Variants in BABAM2 observed in about 807,000 individuals in gnomAD.
BABAM2 encodes the protein BRISC and BRCA1 A complex member 2, also known as BRISC and BRCA1-A complex member 2.
A neutral mutation model predicts 54.7 loss-of-function variants in BABAM2; 31 were observed. The observed-to-expected ratio is 0.57, with a 90% CI of 0.43 to 0.77. The LOEUF (loss-of-function observed/expected upper bound fraction) is 0.77, where lower values mean the gene tolerates loss of function less well. BABAM2 is among the 30% of genes least tolerant of loss of function. BABAM2 has a pLI of 0.00. For synonymous variants in BABAM2, 167 were observed against 162.9 expected (o/e 1.03, Z -0.19); for missense variants, 364 against 455.8 (o/e 0.80, Z 1.83).
At chr2:27,971,175 A>G (rs1420893004) in intron 3 of BABAM2, among the ~76,000 whole-genome samples, 1 of 152,224 alleles carries the variant, frequency 6.6e-6, no homozygotes, top group South Asian at 2.1e-4. Context: ...TCTGAAAAAC[A>G]TTTTGCCCAG....
At chr2:28,120,014 A>G (rs920339328) in intron 6 of BABAM2, among the ~76,000 whole-genome samples, 6 of 152,320 alleles carry the variant, frequency 3.9e-5, no homozygotes, top group African/African-American at 1.4e-4. Context: ...GTCCTCATTG[A>G]TGTCCTCAGA....
At chr2:27,964,824 C>G (rs1299247348) in intron 3 of BABAM2, among the ~76,000 whole-genome samples, 2 of 152,314 alleles carry the variant, frequency 1.3e-5, no homozygotes, top group South Asian at 4.1e-4. Flanking sequence ...ATTCTTTCTA[C>G]TCATCACATT....
At chr2:28,167,697 AAAATAAATAAATAAAT>A (rs141764622) in intron 7 of BABAM2, among the ~76,000 whole-genome samples, 16 of 145,336 alleles carry the variant, frequency 1.1e-4, no homozygotes, top group South Asian at 4.4e-4. Flanking sequence ...CCATCTCAAA[AAAATAAATAAATAAAT>A]AAATAAATAA....
chr2:28,088,761 G>A lies in BABAM2; in HGVS notation c.571-40510G>A, dbSNP rs74806597. 3.3e-3 allele frequency among the ~76,000 whole-genome samples: 500 copies of A among 152,286 alleles called. 2 individuals are homozygous for A. The highest frequency in any genetic ancestry group is 0.012 in the African/African-American group (479 of 41,546). The stretch of plus-strand genomic sequence containing the variant: ...TGAGGTTGTGAGCTGCTGCTTTAAA[G>A]GAAACAAGTATGTTTATTCCTAATC... On this transcript the variant is annotated intron_variant, in intron 6 of 11. Coordinates refer to ENST00000379624, the MANE Select transcript of BABAM2 (RefSeq NM_199191.3).
chr2:28,056,241 T>C (rs1402115540), intron 6 of BABAM2, among the ~76,000 whole-genome samples: 2 of 152,136 alleles, frequency 1.3e-5, no homozygotes, highest in East Asian at 3.9e-4. Context: ...GAATTCATGC[T>C]AAATGAGTAG....
intron 7 of BABAM2, among the ~76,000 whole-genome samples, chr2:28,180,049 A>T (rs772708670): frequency 5.3e-5 from 8 of 152,188 alleles, no homozygotes; most frequent in African/African-American, 1.9e-4. Context: ...ACTCAAAGCA[A>T]TCTACAGATT....
At chr2:28,173,088 A>C (rs1674535801) in intron 7 of BABAM2, among the ~76,000 whole-genome samples, 1 of 152,082 alleles carries the variant, frequency 6.6e-6, no homozygotes, top group Admixed American at 6.5e-5. Context: ...CCCTCATAAC[A>C]TTATCTAATG....
intron 2 of BABAM2, among the ~76,000 whole-genome samples, chr2:27,902,720 T>G (rs1665882627): frequency 6.6e-6 from 1 of 152,222 alleles, no homozygotes; most frequent in Non-Finnish European, 1.5e-5. Flanking sequence ...AAAGCATTCT[T>G]TGTGTATTTT....
At position 27,995,111 on chromosome 2, in the gene BABAM2, G is replaced by C. The variant is rs900945396; in HGVS notation, c.300+7024G>C. ...AGCTGAGATTCCTACCTCCTTGTTG[G>C]AGAGGGTGTGGCTGCAGGCTACGGG... On this transcript the variant is annotated intron_variant, in intron 4 of 11. Transcript: ENST00000379624. The surrounding 1 kb of genome is among the most constrained non-coding windows in gnomAD (Gnocchi z 4.1). Among the ~76,000 whole-genome samples the C allele has an allele frequency of 6.6e-6, 1 of 152,126 alleles. No homozygotes were observed. Among genetic ancestry groups the C allele is most frequent in the African/African-American group, 2.4e-5 (1 of 41,408 alleles).
chr2:28,015,483 A>G (rs900430582), intron 4 of BABAM2, among the ~76,000 whole-genome samples: 1 of 152,118 alleles, frequency 6.6e-6, no homozygotes, highest in African/African-American at 2.4e-5. Flanking sequence ...TTTTATTCCC[A>G]AATATCTTAA....
intron 6 of BABAM2, among the ~76,000 whole-genome samples, chr2:28,118,146 G>T (rs1430808554): frequency 1.3e-5 from 2 of 152,186 alleles, no homozygotes; most frequent in East Asian, 3.9e-4. Flanking sequence ...TCGTAAAACA[G>T]TTGCAAAAAT....
intron 7 of BABAM2, among the ~76,000 whole-genome samples, chr2:28,192,885 T>A (rs1360486643): frequency 6.6e-6 from 1 of 151,892 alleles, no homozygotes; most frequent in African/African-American, 2.4e-5. Flanking sequence ...AAAAAATAGT[T>A]CTGTTGGCTG....
chr2:28,288,819 C>T (rs1346349300), intron 10 of BABAM2, among the ~76,000 whole-genome samples: 4 of 152,148 alleles, frequency 2.6e-5, no homozygotes, highest in African/African-American at 9.7e-5. Flanking sequence ...CCCTGCGTGA[C>T]ACCGCGTGTG....
chr2:28,033,457 CTG>C (rs1418224476), intron 5 of BABAM2, among the ~76,000 whole-genome samples: 1 of 152,142 alleles, frequency 6.6e-6, no homozygotes, highest in Non-Finnish European at 1.5e-5. Flanking sequence ...ATTGGGGACT[CTG>C]TGCAGAGTCC....
At chr2:28,271,421 G>C (rs921344055) in intron 10 of BABAM2, among the ~76,000 whole-genome samples, 1 of 149,388 alleles carries the variant, frequency 6.7e-6, no homozygotes, top group Non-Finnish European at 1.5e-5. Context: ...CTCGTGGCCT[G>C]GGCCCTCACA....
chr2:27,992,738 T>G (rs964667759), intron 4 of BABAM2, among the ~76,000 whole-genome samples: 1 of 152,214 alleles, frequency 6.6e-6, no homozygotes, highest in African/African-American at 2.4e-5. Context: ...CTTCTTTAAC[T>G]TGAACTTCTT....
intron 6 of BABAM2, among the ~76,000 whole-genome samples, chr2:28,121,474 TA>T (rs754607576): frequency 3.3e-5 from 5 of 152,222 alleles, no homozygotes; most frequent in Non-Finnish European, 7.3e-5. Context: ...ATTCCTACCA[TA>T]ACACATTGTG....
At chr2:28,314,810 G>C (rs1247382410) in intron 11 of BABAM2, among the ~76,000 whole-genome samples, 2 of 151,964 alleles carry the variant, frequency 1.3e-5, no homozygotes, top group African/African-American at 4.8e-5. Context: ...AGCTGAAATT[G>C]GAGGCTGGGT....
chr2:28,132,271 T>A (rs1182230078), intron 7 of BABAM2, among the ~76,000 whole-genome samples: 1 of 151,906 alleles, frequency 6.6e-6, no homozygotes, highest in Admixed American at 6.6e-5. Context: ...CCCGAGTAGC[T>A]GGGACTACAG....
Sources: allele counts gnomAD v4.1 joint callset (sites outside exome capture counted in the v4.1 genomes callset), GRCh38; gene constraint gnomAD v4.1.1; non-coding constraint Gnocchi (gnomAD v3.1); transcripts MANE v1.5; gene names NCBI Gene and HGNC (gene_info 2026-07-23, HGNC 2026-07-21).